The following RET variants were observed in gnomAD, a reference collection of about 807,000 sequenced individuals.
RET encodes the protein ret proto-oncogene, also known as proto-oncogene tyrosine-protein kinase receptor Ret.
In RET, 19 loss-of-function variants were observed where a neutral mutation model predicts 118.3. The ratio of observed to expected loss-of-function variants is 0.16; its 90% confidence interval spans 0.11 to 0.24. The LOEUF (loss-of-function observed/expected upper bound fraction) is 0.24. RET is among the 10% of genes least tolerant of loss of function. The probability of loss-of-function intolerance (pLI) is 1.00; values close to 1 mark genes in which losing one functional copy is unlikely to be tolerated. For missense variants in RET, 1,219 were observed against 1,502.1 expected (o/e 0.81, Z 3.12); for synonymous variants, 597 against 644.1 (o/e 0.93, Z 1.11).
chr10:43,088,971 G>A (rs1375791069), intron 1 of RET, among the ~76,000 whole-genome samples: 2 of 152,168 alleles, frequency 1.3e-5, no homozygotes, highest in African/African-American at 4.8e-5. Flanking sequence ...GTCCTGCCGG[G>A]CACTGGCTCC....
chr10:43,103,695 G>C (rs1837692643), intron 3 of RET, among the ~76,000 whole-genome samples: 1 of 152,222 alleles, frequency 6.6e-6, no homozygotes, highest in Admixed American at 6.5e-5. Flanking sequence ...CTCTGGGGCA[G>C]GGTTGATGGA....
chr10:43,126,239 G>A (rs963097624), intron 18 of RET, among the ~76,000 whole-genome samples: 3 of 152,258 alleles, frequency 2.0e-5, no homozygotes, highest in African/African-American at 7.2e-5. Flanking sequence ...GTTGGGCCAG[G>A]GGCAGCTAGA....
chr10:43,111,814 A>G (rs936932147), intron 7 of RET, among the ~76,000 whole-genome samples: 4 of 152,212 alleles, frequency 2.6e-5, no homozygotes, highest in African/African-American at 9.7e-5. Context: ...TGTATCTGAA[A>G]TGTAGGTCCC....
intron 11 of RET, among the ~76,000 whole-genome samples, chr10:43,115,434 C>T (rs1470543659): frequency 6.6e-6 from 1 of 152,210 alleles, no homozygotes. Context: ...AGCCTCCGTT[C>T]AGGCAACACC....
intron 17 of RET, 84 bp downstream of exon 17, chr10:43,123,892 C>T: frequency 6.3e-7 from 1 of 1,590,626 alleles, no homozygotes; most frequent in African/African-American, 1.3e-5. Context: ...CAGAGCAGCC[C>T]CAGGAGAAAC....
At chr10:43,126,008 G>C (rs375350908) in intron 18 of RET, among the ~76,000 whole-genome samples, 1 of 152,194 alleles carries the variant, frequency 6.6e-6, no homozygotes, top group Non-Finnish European at 1.5e-5. Flanking sequence ...GTGGCCCCTC[G>C]TGCTGGGGAG....
chr10:43,121,324 A>ACACAC (rs1838213270), intron 15 of RET, among the ~76,000 whole-genome samples: 1 of 152,236 alleles, frequency 6.6e-6, no homozygotes, highest in Non-Finnish European at 1.5e-5. Flanking sequence ...CACACATTTT[A>ACACAC]AAAATGGACT....
At chr10:43,113,280 C>G (rs1403960951) in intron 9 of RET, among the ~76,000 whole-genome samples, 1 of 152,202 alleles carries the variant, frequency 6.6e-6, no homozygotes, top group Non-Finnish European at 1.5e-5. Flanking sequence ...AGGGACACTG[C>G]AATGTGCGGG....
rs1328732116 is a variant in RET at position 43,112,857 on chromosome 10, C to A, written c.1653C>A (p.Ile551=). 1 of 1,613,208 alleles carries A rather than the reference C, an allele frequency of 6.2e-7. No homozygotes were observed. The highest frequency in any genetic ancestry group is 1.7e-5 in the Admixed American group (1 of 59,994). Reference sequence around the variant, plus strand: ...CCTGCTGTGTGTCCTGTGCAGGGATCACCAGGAACTTCTCCACCTGCTCTC... The same window carrying A: ...CCTGCTGTGTGTCCTGTGCAGGGATAACCAGGAACTTCTCCACCTGCTCTC... ...CEWRQGDGKG[I]TRNFSTCSPS... Residue 551 remains isoleucine (I), a synonymous_variant, in exon 9 of 20, where the codon ATC becomes ATA. Transcript: ENST00000355710.
intron 13 of RET, among the ~76,000 whole-genome samples, chr10:43,118,859 G>A (rs985885523): frequency 1.3e-5 from 2 of 152,206 alleles, no homozygotes; most frequent in Non-Finnish European, 2.9e-5. Context: ...CACCAGGTGT[G>A]CTGTGACCTC....
chr10:43,109,046 G>A lies in RET; in HGVS notation c.1079G>A (p.Arg360Gln), dbSNP rs762472027. 8 of 1,613,218 alleles carry A rather than the reference G, an allele frequency of 5.0e-6. No homozygotes were observed. The highest frequency in any genetic ancestry group is 3.3e-5 in the Admixed American group (2 of 60,020). The stretch of plus-strand genomic sequence containing the variant: ...CTACCTGCAGGGCTGGTTCTCAACC[G>A]GAACCTCTCCATCTCGGAGAACCGC... ...TVHDYRLVLN[R>Q]NLSISENRTM... The change falls in exon 6 of 20, where the codon CGG becomes CAG. Residue 360 changes from arginine (R) to glutamine (Q), a missense_variant. Physicochemically the swap from Arg to Gln is conservative, Grantham distance 43. Around this residue, in one of 5 missense-constraint regions of RET, gnomAD observed 850 missense variants for 969.6 expected, o/e 0.88. Coordinates refer to ENST00000355710, the MANE Select transcript of RET (RefSeq NM_020975.6).
intron 19 of RET, chr10:43,127,130 A>G: frequency 8.8e-7 from 1 of 1,134,368 alleles, no homozygotes; most frequent in Non-Finnish European, 1.1e-6. Context: ...CACCAGCACC[A>G]CTCAGCCTGC....
Position 43,077,246 on chromosome 10 carries a change from G to A in RET, c.-13G>A. The A allele has an allele frequency of 2.0e-6, 3 of 1,497,032 alleles. No individual in the cohort carries two copies. The highest frequency in any genetic ancestry group is 2.7e-6 in the Non-Finnish European group (3 of 1,128,450). 92.7% of individuals were successfully genotyped at this position (1,497,032 alleles called of 1,614,324 possible). On this transcript the variant is annotated 5_prime_UTR_variant, in exon 1 of 20. Coordinates refer to ENST00000355710, the MANE Select transcript of RET (RefSeq NM_020975.6). ...CGCAGTCCCTCCAGCCGTGGCCCCAGCGCGCACGGGCGATGGCGAAGGCGA... is the reference window on the plus strand; with the variant it reads ...CGCAGTCCCTCCAGCCGTGGCCCCAACGCGCACGGGCGATGGCGAAGGCGA...
intron 1 of RET, among the ~76,000 whole-genome samples, chr10:43,091,929 G>T (rs1244999714): frequency 1.3e-5 from 2 of 151,986 alleles, no homozygotes; most frequent in Admixed American, 6.6e-5. Flanking sequence ...GAGAACAGCA[G>T]GAAGGCTCCT....
In RET at chr10:43,091,992, A is replaced by C. The variant is rs115611181; in HGVS notation, c.74-8467A>C. Among the ~76,000 whole-genome samples the C allele has an allele frequency of 7.8e-3, 1,189 of 152,316 alleles. 16 individuals are homozygous for C. The highest frequency in any genetic ancestry group is 0.028 in the African/African-American group (1,143 of 41,554). ...GCTCCAGCACCTCCACTCTGGATAC[A>C]TACAGGAAAGGAAGCAGGAAGCAGT... is the stretch of plus-strand genomic sequence containing the variant. On this transcript the variant is annotated intron_variant, in intron 1 of 19. Transcript: ENST00000355710.
rs562344063 is a variant in RET, at chr10:43,087,445, C to T, written c.73+10114C>T. On this transcript the variant is annotated intron_variant, in intron 1 of 19. Transcript: ENST00000355710. ...GGAGCTGCCCTTGGTGTTTACTGAGCGCCCGGTATATGCACTGAGCTGTCC... is the reference window on the plus strand; with the variant it reads ...GGAGCTGCCCTTGGTGTTTACTGAGTGCCCGGTATATGCACTGAGCTGTCC... Among the ~76,000 whole-genome samples, 7 of 152,324 alleles carry T rather than the reference C, an allele frequency of 4.6e-5. No homozygotes were observed. The East Asian group carries it at 9.6e-4, about 21-fold the overall frequency.
chr10:43,104,860 C>T (rs1411585168), intron 3 of RET, 92 bp from the exon 4 acceptor site: 1 of 1,504,072 alleles, frequency 6.6e-7, no homozygotes, highest in Non-Finnish European at 8.9e-7. Context: ...GGTGTGCGCC[C>T]CGCTCTGACC....
rs141347316 is a variant in RET at position 43,114,650 on chromosome 10, C to T, written c.2050C>T (p.Pro684Ser). The stretch of plus-strand genomic sequence containing the variant: ...CTTCCGGAGGCCCGCCCAGGCCTTC[C>T]CGGTCAGCTACTCCTCTTCCGGTGC... ...MTFRRPAQAF[P>S]VSYSSSGARR... The change falls in exon 11 of 20, where the codon CCG becomes TCG. Residue 684 changes from proline (P) to serine (S), a missense_variant. This residue lies in a region of RET where 850 missense variants were observed against 969.6 expected (regional missense o/e 0.88). Transcript: ENST00000355710. This position sits in a 1 kb window ranked among gnomAD's most constrained non-coding sequence, Gnocchi z 4.6. 4.3e-6 allele frequency: 7 copies of T among 1,613,046 alleles called. No individual in the cohort carries two copies. Among genetic ancestry groups the T allele is most frequent in the Admixed American group, 1.7e-5 (1 of 60,010 alleles).
rs145966037 is a variant in RET, at chr10:43,111,306, G to A, written c.1363G>A (p.Val455Ile). The change falls in exon 7 of 20, where the codon GTC (valine) becomes ATC (isoleucine). Residue 455 changes from valine to isoleucine, a missense_variant. Val to Ile is a conservative substitution (Grantham distance 29, BLOSUM62 3). This residue lies in a region of RET where 850 missense variants were observed against 969.6 expected (regional missense o/e 0.88). Coordinates refer to ENST00000355710, the MANE Select transcript of RET (RefSeq NM_020975.6). ...TGCCAACTGCAGCACGCTAGGGGTG[G>A]TCACCTCAGCCGAGGACACCTCGGG... ...SGANCSTLGV[V>I]TSAEDTSGIL... The A allele has an allele frequency of 6.2e-6, 10 of 1,614,128 alleles. No individual in the cohort carries two copies. In the African/African-American group the frequency reaches 1.3e-4, roughly 22 times the overall value.
Sources: allele counts gnomAD v4.1 joint callset (sites outside exome capture counted in the v4.1 genomes callset), GRCh38; gene constraint gnomAD v4.1.1; regional missense constraint gnomAD v4.1.1; non-coding constraint Gnocchi (gnomAD v3.1); transcripts MANE v1.5; gene names NCBI Gene and HGNC (gene_info 2026-07-23, HGNC 2026-07-21).